Variants in OR1J2 observed in about 807,000 individuals in gnomAD.
OR1J2 encodes the protein olfactory receptor 1J2.
For missense variants in OR1J2, 304 were observed against 246.1 expected (o/e 1.24, Z -1.57); for synonymous variants, 142 against 99.7 (o/e 1.42, Z -2.52).
the OR1J2 span, among the ~76,000 whole-genome samples, chr9:122,535,239 G>A: frequency 1.3e-5 from 2 of 152,060 alleles, no homozygotes; most frequent in Non-Finnish European, 2.9e-5. Flanking sequence ...AAGGGATCGG[G>A]GTGCAGAGAT....
At chr9:122,509,701 A>ATT (rs1828595397), upstream of OR1J2, among the ~76,000 whole-genome samples, 1 of 152,156 alleles carries the variant, frequency 6.6e-6, no homozygotes, top group South Asian at 2.1e-4. Context: ...AGAAATGGGA[A>ATT]ATGTAGGAGA....
chr9:122,513,012 C>T (rs941900721), downstream of OR1J2, among the ~76,000 whole-genome samples: 5 of 152,128 alleles, frequency 3.3e-5, no homozygotes, highest in African/African-American at 1.2e-4. Context: ...AAAACTATAA[C>T]CCCACAAAGG....
chr9:122,519,198 TG>T, the OR1J2 span: 5 of 1,613,898 alleles, frequency 3.1e-6, no homozygotes, highest in Non-Finnish European at 4.2e-6. Context: ...CCTCCCCATC[TG>T]GCCAGAGCAG....
the OR1J2 span, among the ~76,000 whole-genome samples, chr9:122,467,338 C>G: frequency 2.6e-5 from 4 of 152,070 alleles, no homozygotes; most frequent in African/African-American, 9.7e-5. Context: ...TAATTCTGCC[C>G]CGCTCCACCA....
At chr9:122,496,380 T>A in the OR1J2 span, among the ~76,000 whole-genome samples, 1 of 152,166 alleles carries the variant, frequency 6.6e-6, no homozygotes, top group Non-Finnish European at 1.5e-5. Flanking sequence ...GAGCTTAGAC[T>A]GTCCTTGGGT....
the OR1J2 span, among the ~76,000 whole-genome samples, chr9:122,467,462 A>G: frequency 6.6e-6 from 1 of 152,174 alleles, no homozygotes; most frequent in Admixed American, 6.5e-5. Context: ...GACTCCCCCA[A>G]TTCTGTCATT....
At chr9:122,477,711 G>A in the OR1J2 span, 9 of 1,614,062 alleles carry the variant, frequency 5.6e-6, no homozygotes, top group Admixed American at 1.2e-4. Context: ...CAGATGAAAA[G>A]GAGATGTCAG....
chr9:122,565,099 G>A, the OR1J2 span, among the ~76,000 whole-genome samples: 2 of 152,170 alleles, frequency 1.3e-5, no homozygotes, highest in South Asian at 2.1e-4. Context: ...GCCCTTTTAA[G>A]GTGAAGGATA....
the OR1J2 span, among the ~76,000 whole-genome samples, chr9:122,492,160 CCTT>C: frequency 6.6e-6 from 1 of 152,044 alleles, no homozygotes; most frequent in African/African-American, 2.4e-5. Flanking sequence ...TCCCTCCCTC[CCTT>C]CTTTAACAGT....
the OR1J2 span, among the ~76,000 whole-genome samples, chr9:122,467,307 A>G: frequency 6.6e-6 from 1 of 152,120 alleles, no homozygotes; most frequent in Admixed American, 6.5e-5. Context: ...TCTCTCCAAG[A>G]CACCCACACC....
chr9:122,501,392 A>T, the OR1J2 span, among the ~76,000 whole-genome samples: 1 of 152,154 alleles, frequency 6.6e-6, no homozygotes, highest in South Asian at 2.1e-4. Context: ...ACCACCCACC[A>T]CAGGCATTAA....
At chr9:122,450,977 T>TA in the OR1J2 span, among the ~76,000 whole-genome samples, 1 of 152,144 alleles carries the variant, frequency 6.6e-6, no homozygotes, top group Non-Finnish European at 1.5e-5. Context: ...TAACATTTTA[T>TA]GCACAAAAAT....
the OR1J2 span, among the ~76,000 whole-genome samples, chr9:122,532,862 T>C: frequency 2.0e-5 from 3 of 151,986 alleles, no homozygotes; most frequent in Non-Finnish European, 2.9e-5. Flanking sequence ...AGTTGTTTTG[T>C]AAGGGATTGA....
At chr9:122,476,920 C>T in the OR1J2 span, 1 of 876,594 alleles carries the variant, frequency 1.1e-6, no homozygotes, top group South Asian at 1.5e-5. Context: ...GTTGGCCAGG[C>T]TGGTCTCGAA....
At chr9:122,493,423 T>G in the OR1J2 span, among the ~76,000 whole-genome samples, 1 of 152,118 alleles carries the variant, frequency 6.6e-6, no homozygotes, top group Non-Finnish European at 1.5e-5. Context: ...CTTCCTGGTT[T>G]AACCTAGGAG....
the OR1J2 span, among the ~76,000 whole-genome samples, chr9:122,538,623 A>C: frequency 6.6e-6 from 1 of 152,114 alleles, no homozygotes; most frequent in Non-Finnish European, 1.5e-5. Flanking sequence ...ACCTTTTGTT[A>C]ATTTTTCTTG....
At chr9:122,573,040 T>A in the OR1J2 span, 1 of 152,286 alleles carries the variant, frequency 6.6e-6, no homozygotes, top group African/African-American at 2.4e-5. Flanking sequence ...CAGCTGCACA[T>A]CTCAGAAGGC....
chr9:122,492,922 A>T, the OR1J2 span, among the ~76,000 whole-genome samples: 1 of 152,120 alleles, frequency 6.6e-6, no homozygotes, highest in South Asian at 2.1e-4. Flanking sequence ...TCGTAAAAGG[A>T]TGCTGGATTT....
chr9:122,477,137 A>T, the OR1J2 span: 45 of 1,614,114 alleles, frequency 2.8e-5, 2 homozygotes, highest in South Asian at 4.8e-4. Flanking sequence ...GTGTTGCTGG[A>T]TGGGGGAAGA....
Sources: allele counts gnomAD v4.1 joint callset (sites outside exome capture counted in the v4.1 genomes callset), GRCh38; gene constraint gnomAD v4.1.1; transcripts MANE v1.5; gene names NCBI Gene and HGNC (gene_info 2026-07-23, HGNC 2026-07-21).